ADGRL3: variants seen among roughly 807,000 people sequenced by gnomAD.
The protein encoded by ADGRL3 is adhesion G protein-coupled receptor L3, also known as calcium-independent alpha-latrotoxin receptor 3.
ADGRL3 carries 62 observed loss-of-function variants against 153.5 expected under a neutral mutation model. The ratio of observed to expected loss-of-function variants is 0.40; its 90% CI spans 0.33 to 0.50. The LOEUF (loss-of-function observed/expected upper bound fraction) is 0.50. ADGRL3 is among the 20% of genes least tolerant of loss of function. ADGRL3 has a pLI of 0.47. For missense variants in ADGRL3, 1,641 were observed against 1,859.4 expected, an observed-to-expected ratio of 0.88 and a Z score of 2.16; for synonymous variants, 710 against 672.5, an observed-to-expected ratio of 1.06 and a Z score of -0.86.
chr4:61,477,370 C>T (rs1399164870), intron 2 of ADGRL3, among the ~76,000 whole-genome samples: 1 of 2,954 alleles, frequency 3.4e-4, no homozygotes, highest in African/African-American at 3.5e-4. Context: ...AGTGATGTTA[C>T]ACACACACAC....
chr4:61,219,901 A>G (rs1344838846), intron 1 of ADGRL3, among the ~76,000 whole-genome samples: 1 of 152,092 alleles, frequency 6.6e-6, no homozygotes, highest in Admixed American at 6.6e-5. Flanking sequence ...TGAGGTCAGG[A>G]GTTTGAGACA....
intron 5 of ADGRL3, among the ~76,000 whole-genome samples, chr4:61,660,358 A>G (rs1258502597): frequency 1.3e-5 from 2 of 152,124 alleles, no homozygotes; most frequent in Non-Finnish European, 2.9e-5. Flanking sequence ...CACAATTGTT[A>G]CTTTGAAAAT....
At chr4:61,600,288 G>A (rs1200972078) in intron 5 of ADGRL3, among the ~76,000 whole-genome samples, 1 of 124,194 alleles carries the variant, frequency 8.1e-6, no homozygotes, top group Non-Finnish European at 1.6e-5. Flanking sequence ...AGCCTGGGCA[G>A]CAGAGTGAGG....
At chr4:61,287,816 T>C (rs1374742682) in intron 1 of ADGRL3, among the ~76,000 whole-genome samples, 1 of 151,884 alleles carries the variant, frequency 6.6e-6, no homozygotes, top group Non-Finnish European at 1.5e-5. Flanking sequence ...GTGAGACCAA[T>C]TTCCCATGGC....
chr4:61,726,051 T>G (rs932885845), intron 6 of ADGRL3, among the ~76,000 whole-genome samples: 1 of 152,152 alleles, frequency 6.6e-6, no homozygotes, highest in African/African-American at 2.4e-5. Context: ...TAAGTATCCC[T>G]TATCCAAAAT....
chr4:61,235,181 C>T (rs1452624806), intron 1 of ADGRL3, among the ~76,000 whole-genome samples: 1 of 152,130 alleles, frequency 6.6e-6, no homozygotes, highest in Non-Finnish European at 1.5e-5. Context: ...AGTCCTCCAG[C>T]CTCCCAATCC....
At chr4:61,439,326 C>T (rs2097499422) in intron 2 of ADGRL3, among the ~76,000 whole-genome samples, 1 of 152,218 alleles carries the variant, frequency 6.6e-6, no homozygotes, top group African/African-American at 2.4e-5. Context: ...TTGAGAAGAG[C>T]AACTCATTCT....
intron 9 of ADGRL3, among the ~76,000 whole-genome samples, chr4:61,882,690 CTG>C (rs1294272986): frequency 6.6e-6 from 1 of 152,204 alleles, no homozygotes; most frequent in African/African-American, 2.4e-5. Flanking sequence ...TGCCACCTCA[CTG>C]TGTCTAGACC....
chr4:62,046,708 G>C (rs983380142), intron 25 of ADGRL3, among the ~76,000 whole-genome samples: 4 of 151,822 alleles, frequency 2.6e-5, no homozygotes, highest in Non-Finnish European at 5.9e-5. Flanking sequence ...ATTTCATCAG[G>C]ATATATATTC....
At chr4:61,502,722 T>C (rs1047615060) in intron 3 of ADGRL3, among the ~76,000 whole-genome samples, 34 of 152,316 alleles carry the variant, frequency 2.2e-4, no homozygotes, top group Admixed American at 5.9e-4. Flanking sequence ...AATAGTCATA[T>C]ATTTTGTAAC....
intron 3 of ADGRL3, among the ~76,000 whole-genome samples, chr4:61,507,282 A>G (rs1232814152): frequency 6.6e-6 from 1 of 152,188 alleles, no homozygotes; most frequent in Non-Finnish European, 1.5e-5. Context: ...ACAATTGCTT[A>G]AAAGGAGGCC....
intron 1 of ADGRL3, among the ~76,000 whole-genome samples, chr4:61,253,588 G>A (rs2091669350): frequency 6.6e-6 from 1 of 151,986 alleles, no homozygotes; most frequent in South Asian, 2.1e-4. Flanking sequence ...ATCCCCTTGG[G>A]TATTCATTAA....
intron 8 of ADGRL3, among the ~76,000 whole-genome samples, chr4:61,735,733 CAT>C (rs1373131774): frequency 6.6e-6 from 1 of 151,978 alleles, no homozygotes. Flanking sequence ...GAGGCAATAA[CAT>C]AATTCAAATT....
chr4:61,442,861 C>T (rs1000427631), intron 2 of ADGRL3, among the ~76,000 whole-genome samples: 7 of 151,956 alleles, frequency 4.6e-5, no homozygotes, highest in African/African-American at 1.7e-4. Context: ...ATAGTTTTTC[C>T]TTTCCAAGCA....
chr4:61,234,212 C>G (rs914652178), intron 1 of ADGRL3, among the ~76,000 whole-genome samples: 3 of 152,068 alleles, frequency 2.0e-5, no homozygotes, highest in African/African-American at 7.2e-5. Context: ...ATTGGGCTTA[C>G]AGTTCCACAT....
chr4:61,283,719 T>C lies in ADGRL3; in HGVS notation c.-240+81954T>C, dbSNP rs535491364. Among the ~76,000 whole-genome samples, 35 of 152,094 alleles carry C rather than the reference T, an allele frequency of 2.3e-4. No individual in the cohort carries two copies. The South Asian group carries it at 6.6e-3, about 29-fold the overall frequency. On this transcript the variant is annotated intron_variant, in intron 1 of 26. Transcript: ENST00000683033. ...ACATAGTAACTTACAAATTACTGTG[T>C]TATTAAATAACTCTCAGATCTCAGA... is the stretch of plus-strand genomic sequence containing the variant.
chr4:61,408,366 G>C (rs1188521972), intron 2 of ADGRL3, among the ~76,000 whole-genome samples: 1 of 151,144 alleles, frequency 6.6e-6, no homozygotes, highest in South Asian at 2.1e-4. Context: ...TTAAACTACT[G>C]ACCCTGCACC....
chr4:61,456,370 T>G (rs1160395070), intron 2 of ADGRL3, among the ~76,000 whole-genome samples: 1 of 136,096 alleles, frequency 7.3e-6, no homozygotes, highest in East Asian at 2.0e-4. Context: ...GAGATATAGA[T>G]ATATCTATAT....
At chr4:61,554,773 A>T (rs1440260589) in intron 4 of ADGRL3, among the ~76,000 whole-genome samples, 1 of 152,170 alleles carries the variant, frequency 6.6e-6, no homozygotes, top group African/African-American at 2.4e-5. Context: ...GGAGCTGGGG[A>T]CTGTGAATTA....
Sources: allele counts gnomAD v4.1 joint callset (sites outside exome capture counted in the v4.1 genomes callset), GRCh38; gene constraint gnomAD v4.1.1; transcripts MANE v1.5; gene names NCBI Gene and HGNC (gene_info 2026-07-23, HGNC 2026-07-21).